Variants in LPP observed in about 807,000 individuals in gnomAD.
LPP encodes the protein lipoma-preferred partner.
A neutral mutation model predicts 60.4 loss-of-function variants in LPP; 38 were observed. That is an observed-to-expected ratio of 0.63 (90% CI 0.49 to 0.83). The LOEUF is 0.83. LPP is among the 40% of genes least tolerant of loss of function. The pLI, the probability that LPP is intolerant of heterozygous loss-of-function variation, is 0.00. For synonymous variants in LPP, 328 were observed against 290.8 expected, an observed-to-expected ratio of 1.13 and a Z score of -1.30; for missense variants, 902 against 783.6, an observed-to-expected ratio of 1.15 and a Z score of -1.80.
chr3:188,491,944 C>A (rs1808495261), intron 5 of LPP, among the ~76,000 whole-genome samples: 1 of 152,096 alleles, frequency 6.6e-6, no homozygotes, highest in African/African-American at 2.4e-5. Context: ...GTAAAACTTT[C>A]CCCTGGGATT....
At chr3:188,271,854 C>T (rs1195782426) in intron 2 of LPP, among the ~76,000 whole-genome samples, 1 of 152,084 alleles carries the variant, frequency 6.6e-6, no homozygotes, top group Non-Finnish European at 1.5e-5. Flanking sequence ...CAGCTGATGT[C>T]CCAAACTTGT....
At chr3:188,395,321 T>G (rs1251871062) in intron 3 of LPP, among the ~76,000 whole-genome samples, 1 of 152,122 alleles carries the variant, frequency 6.6e-6, no homozygotes, top group Non-Finnish European at 1.5e-5. Context: ...TGGTCTCAAG[T>G]GATCCTTCCA....
chr3:188,216,884 G>T (rs1713827345), intron 1 of LPP, among the ~76,000 whole-genome samples: 1 of 152,250 alleles, frequency 6.6e-6, no homozygotes, highest in Non-Finnish European at 1.5e-5. Flanking sequence ...TAGCCACAGT[G>T]CAGGGCTACT....
At chr3:188,872,835 G>A (rs1237158055) in intron 11 of LPP, 72 bp downstream of exon 11, 5 of 1,592,482 alleles carry the variant, frequency 3.1e-6, no homozygotes. Flanking sequence ...GGTTTACATA[G>A]ATGTAGCAAT....
chr3:188,783,469 C>G (rs763183600), intron 9 of LPP, among the ~76,000 whole-genome samples: 2 of 152,142 alleles, frequency 1.3e-5, no homozygotes, highest in Non-Finnish European at 2.9e-5. Flanking sequence ...AAAACTAATG[C>G]TGCTTGTTCT....
At chr3:188,299,061 A>AT (rs1211102398) in intron 2 of LPP, among the ~76,000 whole-genome samples, 3 of 152,200 alleles carry the variant, frequency 2.0e-5, no homozygotes, top group African/African-American at 7.2e-5. Flanking sequence ...AAGGCAGCAG[A>AT]TTGTATCAGA....
Position 188,558,945 on chromosome 3 carries a change from A to C in LPP, c.429+34158A>C, listed in dbSNP as rs536003527. 1.1e-4 allele frequency among the ~76,000 whole-genome samples: 16 copies of C among 152,266 alleles called. No individual in the cohort carries two copies. In the South Asian group the frequency reaches 3.3e-3, roughly 32 times the overall value. On this transcript the variant is annotated intron_variant, in intron 6 of 11. Transcript: ENST00000617246. ...TCGTGGTGGAAAGGATGAGTTTTTGATAAAGATCTTGACTTTTTTGTATCA... is the reference window on the plus strand; with the variant it reads ...TCGTGGTGGAAAGGATGAGTTTTTGCTAAAGATCTTGACTTTTTTGTATCA...
chr3:188,793,432 T>C (rs1045430939), intron 9 of LPP, among the ~76,000 whole-genome samples: 3 of 152,088 alleles, frequency 2.0e-5, no homozygotes, highest in Non-Finnish European at 2.9e-5. Flanking sequence ...TCCTCCCACC[T>C]CAGCCTCCCA....
intron 2 of LPP, among the ~76,000 whole-genome samples, chr3:188,336,737 C>T (rs578088837): frequency 3.9e-5 from 6 of 152,114 alleles, no homozygotes; most frequent in Non-Finnish European, 8.8e-5. Context: ...TCCAGGGAAA[C>T]AGCGTATTAG....
chr3:188,718,281 GT>G (rs1714899745), intron 8 of LPP, among the ~76,000 whole-genome samples: 1 of 152,098 alleles, frequency 6.6e-6, no homozygotes, highest in Non-Finnish European at 1.5e-5. Flanking sequence ...GAATTCTATG[GT>G]CAAAATTTTC....
intron 4 of LPP, among the ~76,000 whole-genome samples, chr3:188,470,281 TACACACACACAC>T (rs59656753): frequency 0.22 from 27,493 of 126,776 alleles, 3,142 homozygotes; most frequent in Middle Eastern, 0.38. Context: ...CTCTCTCTCA[TACACACACACAC>T]ACACACACAC....
At chr3:188,719,404 C>T (rs1715421052) in intron 8 of LPP, among the ~76,000 whole-genome samples, 1 of 152,210 alleles carries the variant, frequency 6.6e-6, no homozygotes, top group African/African-American at 2.4e-5. Context: ...TGAACCACCA[C>T]CCAAGATTGG....
chr3:188,262,861 G>T (rs1189237789), intron 2 of LPP, among the ~76,000 whole-genome samples: 1 of 151,766 alleles, frequency 6.6e-6, no homozygotes, highest in Non-Finnish European at 1.5e-5. Flanking sequence ...ATCTGTGCTC[G>T]AACCCAGGTC....
chr3:188,378,088 C>T (rs36127340), intron 3 of LPP, among the ~76,000 whole-genome samples: 10,652 of 152,194 alleles, frequency 0.07, 494 homozygotes, highest in Non-Finnish European at 0.098. Context: ...GAGGAGTACC[C>T]GGCCGTGTGA....
chr3:188,196,215 G>A (rs1729497294), intron 1 of LPP, among the ~76,000 whole-genome samples: 1 of 152,110 alleles, frequency 6.6e-6, no homozygotes, highest in African/African-American at 2.4e-5. Context: ...GCAGAGCTTT[G>A]TCTCATGACT....
rs9290883 is a variant in LPP, at chr3:188,887,637, A to G, written c.*13158A>G. 0.51 allele frequency: 107,990 copies of G among 211,856 alleles called. 27,979 individuals carry two copies. Among genetic ancestry groups the G allele is most frequent in the Non-Finnish European group, 0.55 (57,335 of 104,618 alleles). 13.1% of individuals were successfully genotyped at this position (211,856 alleles called of 1,614,324 possible). A position where few individuals can be genotyped will look rare whatever the true frequency, so the allele number is the denominator to read the frequency against. ...AGGATTATAGTGCCAAAAATAGTTA[A>G]AGTGCCTTGGTCCTCCCTCTGTAGG... On this transcript the variant is annotated 3_prime_UTR_variant, in exon 12 of 12. Coordinates refer to ENST00000617246, the MANE Select transcript of LPP (RefSeq NM_001375462.1).
At chr3:188,214,928 C>T (rs1712912836) in intron 1 of LPP, among the ~76,000 whole-genome samples, 1 of 152,116 alleles carries the variant, frequency 6.6e-6, no homozygotes, top group Non-Finnish European at 1.5e-5. Flanking sequence ...CTATAGCTGC[C>T]TTTGAGTAGG....
chr3:188,592,400 A>T (rs1838929946), intron 6 of LPP, among the ~76,000 whole-genome samples: 1 of 151,806 alleles, frequency 6.6e-6, no homozygotes, highest in African/African-American at 2.4e-5. Context: ...TTACACACAG[A>T]TACAAGTATA....
intron 9 of LPP, among the ~76,000 whole-genome samples, chr3:188,841,763 T>C (rs1044276825): frequency 6.6e-5 from 10 of 152,208 alleles, no homozygotes; most frequent in Admixed American, 3.3e-4. Flanking sequence ...ATGTAAGAAA[T>C]TGATTGAGCT....
Sources: allele counts gnomAD v4.1 joint callset (sites outside exome capture counted in the v4.1 genomes callset), GRCh38; gene constraint gnomAD v4.1.1; transcripts MANE v1.5; gene names NCBI Gene and HGNC (gene_info 2026-07-23, HGNC 2026-07-21).